Variants in VEPH1 observed in about 807,000 individuals in gnomAD.
VEPH1 encodes ventricular zone-expressed PH domain-containing protein homolog 1.
VEPH1 carries 80 observed loss-of-function variants against 85.2 expected under a neutral mutation model. The ratio of observed to expected loss-of-function variants is 0.94; its 90% confidence interval spans 0.78 to 1.13. VEPH1 has a LOEUF of 1.13. Among genes scored for constraint, VEPH1 ranks in the 50% most tolerant of loss-of-function variants. VEPH1 has a pLI of 0.00. For missense variants in VEPH1, 955 were observed against 980.5 expected, an observed-to-expected ratio of 0.97 and a Z score of 0.35; for synonymous variants, 297 against 348.0, an observed-to-expected ratio of 0.85 and a Z score of 1.63.
At chr3:157,422,720 T>A (rs986631205) in intron 5 of VEPH1, among the ~76,000 whole-genome samples, 3 of 152,250 alleles carry the variant, frequency 2.0e-5, no homozygotes, top group Admixed American at 6.5e-5. Flanking sequence ...ATTCCCCATC[T>A]TCCTCCAGCA....
chr3:157,474,361 T>A lies in VEPH1; in HGVS notation c.139-3832A>T, dbSNP rs16827712. 9.7e-3 allele frequency among the ~76,000 whole-genome samples: 1,475 copies of A among 152,292 alleles called. 22 individuals are homozygous for A. The highest frequency in any genetic ancestry group is 0.033 in the African/African-American group (1,364 of 41,564). On this transcript the variant is annotated intron_variant, in intron 2 of 13. Transcript: ENST00000362010. Reference sequence around the variant, plus strand: ...TTTTACTGAATGCTTCTGGCATGAATTTTTTCTTATCTGACTAAAGAACAT... The same window carrying A: ...TTTTACTGAATGCTTCTGGCATGAAATTTTTCTTATCTGACTAAAGAACAT...
chr3:157,292,226 G>A (rs185748796), intron 11 of VEPH1, among the ~76,000 whole-genome samples: 31 of 152,166 alleles, frequency 2.0e-4, no homozygotes, highest in Admixed American at 4.6e-4. Context: ...GCCACTGCAC[G>A]CCATCTACAT....
chr3:157,491,428 G>T (rs2109722429), intron 2 of VEPH1, among the ~76,000 whole-genome samples: 1 of 152,242 alleles, frequency 6.6e-6, no homozygotes. Context: ...GAAAGGACTT[G>T]AAATGAAAAG....
At position 157,405,402 on chromosome 3, in the gene VEPH1, C is replaced by T. The variant is rs1731072060; in HGVS notation, c.906+8479G>A. ...GGGAACGCTAAGGTACATAGGATTA[C>T]ATTTACTTATCCGCACTATGAAGGG... On this transcript the variant is annotated intron_variant, in intron 6 of 13. Coordinates refer to ENST00000362010, the MANE Select transcript of VEPH1 (RefSeq NM_001167912.2). Among the ~76,000 whole-genome samples the T allele has an allele frequency of 1.3e-5, 2 of 152,126 alleles. 1 individual carries two copies. The highest frequency in any genetic ancestry group is 4.1e-4 in the South Asian group (2 of 4,830).
At chr3:157,478,970 A>G (rs961702390) in intron 2 of VEPH1, among the ~76,000 whole-genome samples, 2 of 152,276 alleles carry the variant, frequency 1.3e-5, no homozygotes, top group East Asian at 1.9e-4. Flanking sequence ...GATTTCCTCC[A>G]AAAAGGGGGA....
At chr3:157,378,826 C>T (rs544931860) in intron 7 of VEPH1, among the ~76,000 whole-genome samples, 1 of 152,126 alleles carries the variant, frequency 6.6e-6, no homozygotes, top group Non-Finnish European at 1.5e-5. Context: ...GTCATTCAAG[C>T]TACATATCTC....
chr3:157,500,464 C>T (rs564358782), intron 1 of VEPH1, among the ~76,000 whole-genome samples: 8 of 152,254 alleles, frequency 5.3e-5, no homozygotes, highest in African/African-American at 1.2e-4. Flanking sequence ...TCCAGGAGAA[C>T]GACCTCGTAA....
At chr3:157,302,593 G>T (rs1718930147) in intron 11 of VEPH1, among the ~76,000 whole-genome samples, 1 of 152,232 alleles carries the variant, frequency 6.6e-6, no homozygotes, top group Admixed American at 6.5e-5. Context: ...CACTGAATCT[G>T]CCTTGATCTC....
intron 11 of VEPH1, among the ~76,000 whole-genome samples, chr3:157,288,763 T>A (rs1364362656): frequency 1.3e-5 from 2 of 152,232 alleles, no homozygotes; most frequent in Non-Finnish European, 2.9e-5. Flanking sequence ...CAAATATTTG[T>A]GTAATAACAA....
chr3:157,377,131 A>G (rs894629793), intron 7 of VEPH1, among the ~76,000 whole-genome samples: 16 of 152,166 alleles, frequency 1.1e-4, no homozygotes, highest in African/African-American at 3.6e-4. Flanking sequence ...TTCCCACTGA[A>G]TAATTACAAT....
intron 8 of VEPH1, 78 bp downstream of exon 8, chr3:157,364,225 A>C: frequency 9.0e-7 from 1 of 1,117,248 alleles, no homozygotes; most frequent in Non-Finnish European, 1.3e-6. Flanking sequence ...TATAAAAAAC[A>C]CCCCATAACA....
intron 12 of VEPH1, among the ~76,000 whole-genome samples, chr3:157,273,253 A>G (rs1408771231): frequency 6.6e-6 from 1 of 152,224 alleles, no homozygotes; most frequent in Non-Finnish European, 1.5e-5. Context: ...TATGGTTACC[A>G]TGCACTAGGC....
chr3:157,267,763 G>C (rs959941733), intron 12 of VEPH1, among the ~76,000 whole-genome samples: 1 of 152,136 alleles, frequency 6.6e-6, no homozygotes, highest in Non-Finnish European at 1.5e-5. Flanking sequence ...GTGAGACTCC[G>C]TCTCAAAAAC....
chr3:157,437,688 G>C (rs1171437470), intron 4 of VEPH1: 2 of 1,533,654 alleles, frequency 1.3e-6, no homozygotes, highest in Non-Finnish European at 1.7e-6. Flanking sequence ...TGGCGAGGCC[G>C]TGCGCGCCGG....
At chr3:157,269,406 G>A (rs572204728) in intron 12 of VEPH1, among the ~76,000 whole-genome samples, 1 of 151,928 alleles carries the variant, frequency 6.6e-6, no homozygotes, top group African/African-American at 2.4e-5. Flanking sequence ...TCAGCCCTAG[G>A]GGAAAAAAAT....
At chr3:157,357,087 A>G (rs1259223421) in intron 9 of VEPH1, among the ~76,000 whole-genome samples, 3 of 152,356 alleles carry the variant, frequency 2.0e-5, no homozygotes, top group African/African-American at 7.2e-5. Flanking sequence ...ACAGAAAACA[A>G]CTGCTTTTAC....
chr3:157,421,161 C>G (rs1259725384), intron 5 of VEPH1, among the ~76,000 whole-genome samples: 1 of 152,176 alleles, frequency 6.6e-6, no homozygotes, highest in Non-Finnish European at 1.5e-5. Flanking sequence ...TTAGCCACAT[C>G]GTGGAGCTCA....
intron 9 of VEPH1, among the ~76,000 whole-genome samples, chr3:157,360,526 T>C (rs536721425): frequency 1.3e-5 from 2 of 152,288 alleles, no homozygotes; most frequent in African/African-American, 4.8e-5. Context: ...AAACTACGGA[T>C]GCTTTTTGAC....
intron 5 of VEPH1, among the ~76,000 whole-genome samples, chr3:157,422,132 G>T (rs138479617): frequency 3.1e-3 from 472 of 152,326 alleles, no homozygotes; most frequent in African/African-American, 0.011. Context: ...GAATTAGACT[G>T]GGTTTGTGTT....
Sources: allele counts gnomAD v4.1 joint callset (sites outside exome capture counted in the v4.1 genomes callset), GRCh38; gene constraint gnomAD v4.1.1; transcripts MANE v1.5; gene names NCBI Gene and HGNC (gene_info 2026-07-23, HGNC 2026-07-21).